SOS1: variants seen among roughly 807,000 people sequenced by gnomAD.
SOS1 encodes the protein SOS Ras/Rac guanine nucleotide exchange factor 1.
SOS1 carries 25 observed loss-of-function variants against 157.6 expected under a neutral mutation model. The ratio of observed to expected loss-of-function variants is 0.16; its 90% CI spans 0.12 to 0.22. The LOEUF (loss-of-function observed/expected upper bound fraction) is 0.22, where lower values mean the gene tolerates loss of function less well. Among genes scored for constraint, SOS1 ranks in the 10% least tolerant of loss-of-function variants. The probability of loss-of-function intolerance (pLI) is 1.00; values close to 1 mark genes in which losing one functional copy is unlikely to be tolerated. For synonymous variants in SOS1, 528 were observed against 534.0 expected, an observed-to-expected ratio of 0.99 and a Z score of 0.16; for missense variants, 1,237 against 1,599.1, an observed-to-expected ratio of 0.77 and a Z score of 3.86.
chr2:39,124,864 C>T (rs772508803), upstream of SOS1, among the ~76,000 whole-genome samples: 2 of 152,122 alleles, frequency 1.3e-5, no homozygotes, highest in Non-Finnish European at 2.9e-5. Context: ...CCTTTTTTCT[C>T]TAATGCCGCC....
intron 8 of SOS1, among the ~76,000 whole-genome samples, chr2:39,030,273 GAAAGA>G (rs982980731): frequency 9.3e-5 from 14 of 151,004 alleles, no homozygotes; most frequent in African/African-American, 3.4e-4. Flanking sequence ...GAAAGAGGGG[GAAAGA>G]AAAGGCTGGG....
At chr2:39,006,302 A>C (rs1669280900) in intron 17 of SOS1, 110 bp downstream of exon 17, 1 of 764,652 alleles carries the variant, frequency 1.3e-6, no homozygotes. Context: ...ATATTGATCA[A>C]ACAAGTATTT....
At chr2:39,060,249 T>G (rs1159566674) in intron 2 of SOS1, among the ~76,000 whole-genome samples, 1 of 152,242 alleles carries the variant, frequency 6.6e-6, no homozygotes, top group Non-Finnish European at 1.5e-5. Flanking sequence ...AATCATGTTA[T>G]GACCCTGTGG....
intron 1 of SOS1, among the ~76,000 whole-genome samples, chr2:39,105,684 A>T (rs921973378): frequency 9.2e-5 from 14 of 151,394 alleles, no homozygotes; most frequent in African/African-American, 3.4e-4. Context: ...GATGACCTGA[A>T]ATCAGGAGTT....
intron 22 of SOS1, among the ~76,000 whole-genome samples, chr2:38,986,572 C>CGTA (rs1170548121): frequency 2.6e-5 from 4 of 151,700 alleles, no homozygotes; most frequent in Admixed American, 1.3e-4. Context: ...CTCAAGTGAT[C>CGTA]CCCCGACCTC....
Position 39,036,674 on chromosome 2 carries a change from C to T in SOS1, c.865-1174G>A, listed in dbSNP as rs1363767111. On this transcript the variant is annotated intron_variant, in intron 6 of 22. Coordinates refer to ENST00000402219, the MANE Select transcript of SOS1 (RefSeq NM_005633.4). ...CTGCAAGCTCCGCCTCCCAAGTTCA[C>T]GCCATTCTCCTGCCTCAGCCTCCCG... Among the ~76,000 whole-genome samples the T allele has an allele frequency of 2.0e-5, 3 of 152,006 alleles. No homozygotes were observed. In the East Asian group the frequency reaches 5.8e-4, roughly 30 times the overall value.
intron 1 of SOS1, among the ~76,000 whole-genome samples, chr2:39,096,636 A>G (rs750844795): frequency 2.0e-5 from 3 of 152,246 alleles, no homozygotes; most frequent in Non-Finnish European, 4.4e-5. Context: ...CTGTAATCCC[A>G]GCACTTTGGG....
intron 1 of SOS1, among the ~76,000 whole-genome samples, chr2:39,098,611 C>T (rs1234244373): frequency 2.0e-5 from 3 of 152,120 alleles, no homozygotes; most frequent in Non-Finnish European, 2.9e-5. Context: ...AAAATTTGGC[C>T]GGGTGCGGTG....
At chr2:39,121,208 G>C (rs1367448753), upstream of SOS1, among the ~76,000 whole-genome samples, 4 of 152,168 alleles carry the variant, frequency 2.6e-5, no homozygotes, top group Admixed American at 6.5e-5. Context: ...GGGCGAAGGG[G>C]CCCGAGAAGT....
intron 22 of SOS1, among the ~76,000 whole-genome samples, chr2:38,986,971 A>G (rs1668577555): frequency 6.7e-6 from 1 of 149,100 alleles, no homozygotes; most frequent in Non-Finnish European, 1.5e-5. Context: ...GGCCAAAAAG[A>G]AAAAAACAAA....
intron 8 of SOS1, among the ~76,000 whole-genome samples, chr2:39,028,577 C>A (rs1376817779): frequency 2.0e-5 from 3 of 152,146 alleles, no homozygotes; most frequent in African/African-American, 7.2e-5. Context: ...CAGGCAGGTA[C>A]TAGATCCACA....
In SOS1 at chr2:39,057,020, G is replaced by A. The variant is rs543746771; in HGVS notation, c.346-154C>T. ...ATTTAATTGTAAGTGGTTCAACAAT[G>A]AATAATATATGTATTACTATTGAAA... On this transcript the variant is annotated intron_variant, in intron 3 of 22. Transcript: ENST00000402219. Among the ~76,000 whole-genome samples, 28 of 152,222 alleles carry A rather than the reference G, an allele frequency of 1.8e-4. No individual in the cohort carries two copies. In the East Asian group the frequency reaches 5.4e-3, roughly 29 times the overall value.
chr2:39,090,946 G>GGGTT (rs1232823368), intron 1 of SOS1, among the ~76,000 whole-genome samples: 1 of 152,022 alleles, frequency 6.6e-6, no homozygotes, highest in Non-Finnish European at 1.5e-5. Context: ...TTGGCTCACT[G>GGGTT]CAACCTCAAC....
chr2:39,037,010 C>G (rs1399451481), intron 6 of SOS1, among the ~76,000 whole-genome samples: 3 of 152,168 alleles, frequency 2.0e-5, no homozygotes, highest in Admixed American at 6.5e-5. Context: ...AGTAATACCA[C>G]CAGATCAGAA....
intron 1 of SOS1, among the ~76,000 whole-genome samples, chr2:39,107,157 T>C (rs1673224624): frequency 6.6e-6 from 1 of 152,096 alleles, no homozygotes; most frequent in African/African-American, 2.4e-5. Context: ...CTGTACTTTA[T>C]CCCGAATTAG....
At chr2:39,103,077 T>C (rs1490442923) in intron 1 of SOS1, among the ~76,000 whole-genome samples, 1 of 152,104 alleles carries the variant, frequency 6.6e-6, no homozygotes. Context: ...CAATAACATC[T>C]AAAAGAGTAC....
At chr2:39,028,749 G>T (rs1384484188) in intron 8 of SOS1, among the ~76,000 whole-genome samples, 1 of 152,172 alleles carries the variant, frequency 6.6e-6, no homozygotes, top group Non-Finnish European at 1.5e-5. Flanking sequence ...AATATACATT[G>T]TAATTGTCTA....
At chr2:39,010,433 A>G in intron 15 of SOS1, 151 bp downstream of exon 15, 1 of 686,006 alleles carries the variant, frequency 1.5e-6, no homozygotes, top group East Asian at 2.7e-5. Context: ...TGAGCCTGGG[A>G]GGTGGAGGTT....
At chr2:38,998,958 G>A (rs1050496057) in intron 17 of SOS1, among the ~76,000 whole-genome samples, 1 of 152,152 alleles carries the variant, frequency 6.6e-6, no homozygotes. Flanking sequence ...CCAGAGCTTT[G>A]AACTGTTGGC....
Sources: allele counts gnomAD v4.1 joint callset (sites outside exome capture counted in the v4.1 genomes callset), GRCh38; gene constraint gnomAD v4.1.1; transcripts MANE v1.5; gene names NCBI Gene and HGNC (gene_info 2026-07-23, HGNC 2026-07-21).